MYO1D: variants seen among roughly 807,000 people sequenced by gnomAD.
The protein encoded by MYO1D is myosin ID.
MYO1D carries 83 observed loss-of-function variants against 122.0 expected under a neutral mutation model. That is an observed-to-expected ratio of 0.68 (90% CI 0.57 to 0.82). The LOEUF (loss-of-function observed/expected upper bound fraction) is 0.82, where lower values mean the gene tolerates loss of function less well. MYO1D is among the 40% of genes least tolerant of loss of function. The pLI is 0.00. For synonymous variants in MYO1D, 464 were observed against 446.9 expected, an observed-to-expected ratio of 1.04 and a Z score of -0.48; for missense variants, 1,157 against 1,269.5, an observed-to-expected ratio of 0.91 and a Z score of 1.35.
At chr17:32,516,742 C>G (rs1370256431) in intron 21 of MYO1D, among the ~76,000 whole-genome samples, 4 of 152,200 alleles carry the variant, frequency 2.6e-5, no homozygotes, top group Non-Finnish European at 4.4e-5. Flanking sequence ...GTGTTTACAG[C>G]TTTAGTGGCT....
At chr17:32,875,672 T>C (rs2151096483) in intron 1 of MYO1D, among the ~76,000 whole-genome samples, 1 of 152,354 alleles carries the variant, frequency 6.6e-6, no homozygotes, top group African/African-American at 2.4e-5. Context: ...CCTATCATTA[T>C]GCTGGTATGT....
At chr17:32,502,861 T>G (rs976442368) in intron 21 of MYO1D, among the ~76,000 whole-genome samples, 1 of 152,162 alleles carries the variant, frequency 6.6e-6, no homozygotes, top group African/African-American at 2.4e-5. Context: ...GCAGGGCGTC[T>G]CCCTCTGAGG....
intron 16 of MYO1D, among the ~76,000 whole-genome samples, chr17:32,694,670 C>T (rs936319291): frequency 2.3e-5 from 3 of 132,326 alleles, no homozygotes; most frequent in African/African-American, 8.7e-5. Context: ...CACTGCAGTC[C>T]GCAGTCCGGC....
chr17:32,658,112 A>AT lies in MYO1D; in HGVS notation c.2345+1002dup, dbSNP rs538353851. 3.4e-3 allele frequency among the ~76,000 whole-genome samples: 513 copies of AT among 152,184 alleles called. 8 individuals are homozygous for AT. The highest frequency in any genetic ancestry group is 5.9e-4 in the Non-Finnish European group (40 of 67,994). ...GTACTTTTGTTTTCAATAATTCTGT[A>AT]TTTTTTCTTCTTATGAGCAATTATT... On this transcript the variant is annotated intron_variant, in intron 17 of 21. Transcript: ENST00000318217.
chr17:32,696,790 C>T (rs1424163660), intron 16 of MYO1D, among the ~76,000 whole-genome samples: 1 of 152,156 alleles, frequency 6.6e-6, no homozygotes, highest in African/African-American at 2.4e-5. Flanking sequence ...ATGTTTGTTA[C>T]AGAAAACAAT....
At chr17:32,669,907 T>C (rs1399393580) in intron 16 of MYO1D, among the ~76,000 whole-genome samples, 2 of 151,956 alleles carry the variant, frequency 1.3e-5, no homozygotes, top group Non-Finnish European at 2.9e-5. Flanking sequence ...TTTTTCTTTT[T>C]TTTCAGGTGG....
chr17:32,571,184 C>CCA (rs961227603), intron 21 of MYO1D, among the ~76,000 whole-genome samples: 46 of 151,976 alleles, frequency 3.0e-4, no homozygotes, highest in African/African-American at 1.0e-3. Flanking sequence ...GCTTGCTGGG[C>CCA]TAAGAGGATG....
intron 20 of MYO1D, among the ~76,000 whole-genome samples, chr17:32,618,015 T>C (rs2087798399): frequency 6.6e-6 from 1 of 152,224 alleles, no homozygotes; most frequent in Admixed American, 6.5e-5. Context: ...TGAATGTTAA[T>C]TAGTAAGTAT....
chr17:32,617,649 C>T (rs2064024431), intron 20 of MYO1D, among the ~76,000 whole-genome samples: 1 of 152,130 alleles, frequency 6.6e-6, no homozygotes, highest in South Asian at 2.1e-4. Flanking sequence ...CCATGTTGGC[C>T]AGGCTGGTCT....
chr17:32,607,418 TA>T (rs1430504763), intron 20 of MYO1D, among the ~76,000 whole-genome samples: 1 of 152,048 alleles, frequency 6.6e-6, no homozygotes, highest in Non-Finnish European at 1.5e-5. Flanking sequence ...TACTTAGATA[TA>T]AATCTAACAA....
At chr17:32,666,233 G>C (rs761799566) in intron 16 of MYO1D, among the ~76,000 whole-genome samples, 3 of 152,114 alleles carry the variant, frequency 2.0e-5, no homozygotes, top group Non-Finnish European at 4.4e-5. Flanking sequence ...TCCCAGTCTA[G>C]AATCTTTCTA....
chr17:32,550,942 TC>T (rs1335740427), intron 21 of MYO1D, among the ~76,000 whole-genome samples: 6 of 149,808 alleles, frequency 4.0e-5, no homozygotes, highest in African/African-American at 1.5e-4. Context: ...ACCATTGCCT[TC>T]CAGCCCTAGG....
At chr17:32,821,534 T>TCACA (rs575314294) in intron 1 of MYO1D, among the ~76,000 whole-genome samples, 4,197 of 143,132 alleles carry the variant, frequency 0.029, 155 homozygotes, top group African/African-American at 0.085. Flanking sequence ...GATAAGTAAA[T>TCACA]CACACATACA....
At chr17:32,524,812 T>C (rs573146705) in intron 21 of MYO1D, among the ~76,000 whole-genome samples, 2 of 152,154 alleles carry the variant, frequency 1.3e-5, no homozygotes, top group African/African-American at 2.4e-5. Context: ...TCACCCACCT[T>C]GGCCTCCCAA....
intron 1 of MYO1D, among the ~76,000 whole-genome samples, chr17:32,825,169 A>G (rs1156732041): frequency 6.6e-6 from 1 of 152,224 alleles, no homozygotes; most frequent in African/African-American, 2.4e-5. Context: ...TGGGTGTACA[A>G]CATTTTCAAA....
At chr17:32,697,662 C>T (rs1181125242) in intron 16 of MYO1D, among the ~76,000 whole-genome samples, 3 of 151,858 alleles carry the variant, frequency 2.0e-5, no homozygotes, top group African/African-American at 4.8e-5. Flanking sequence ...AAAAAGTCAT[C>T]GATCACTTTT....
intron 13 of MYO1D, among the ~76,000 whole-genome samples, chr17:32,740,710 C>T (rs1436467818): frequency 2.0e-5 from 3 of 152,036 alleles, no homozygotes; most frequent in East Asian, 1.9e-4. Context: ...CCTGGGCTCA[C>T]GCGATTCTCC....
At chr17:32,799,058 A>G (rs1217059342) in intron 1 of MYO1D, among the ~76,000 whole-genome samples, 2 of 152,206 alleles carry the variant, frequency 1.3e-5, no homozygotes, top group East Asian at 3.8e-4. Flanking sequence ...TGGATAATCT[A>G]CTACTTTGCT....
intron 20 of MYO1D, among the ~76,000 whole-genome samples, chr17:32,616,739 A>G (rs1435014636): frequency 1.3e-5 from 2 of 152,226 alleles, no homozygotes; most frequent in Non-Finnish European, 2.9e-5. Context: ...ATAGAGGTCT[A>G]TATCCTCACC....
Sources: allele counts gnomAD v4.1 joint callset (sites outside exome capture counted in the v4.1 genomes callset), GRCh38; gene constraint gnomAD v4.1.1; transcripts MANE v1.5; gene names NCBI Gene and HGNC (gene_info 2026-07-23, HGNC 2026-07-21).